The following ERAP1 variants were observed in gnomAD, a reference collection of about 807,000 sequenced individuals.
ERAP1 encodes adipocyte-derived leucine aminopeptidase.
In ERAP1, 86 loss-of-function variants were observed where a neutral mutation model predicts 103.7. That is an observed-to-expected ratio of 0.83 (90% confidence interval 0.70 to 0.99). ERAP1 has a LOEUF of 0.99. ERAP1 is among the 50% of genes least tolerant of loss of function. ERAP1 has a pLI of 0.00. For synonymous variants in ERAP1, 398 were observed against 402.4 expected (o/e 0.99, Z 0.13); for missense variants, 1,009 against 1,128.4 (o/e 0.89, Z 1.52).
intron 1 of ERAP1, among the ~76,000 whole-genome samples, chr5:96,806,977 T>TC (rs1402803279): frequency 2.1e-5 from 2 of 94,954 alleles, no homozygotes; most frequent in Non-Finnish European, 5.4e-5. Context: ...TTTTGTTTTG[T>TC]TTTGTTTTGT....
chr5:96,837,565 G>A, the ERAP1 span, among the ~76,000 whole-genome samples: 3 of 152,204 alleles, frequency 2.0e-5, no homozygotes, highest in Non-Finnish European at 2.9e-5. Flanking sequence ...GCCTTTGGGC[G>A]CCACCAGGAG....
At chr5:96,804,451 G>A in intron 1 of ERAP1, 1 of 178,368 alleles carries the variant, frequency 5.6e-6, no homozygotes, top group Non-Finnish European at 1.2e-5. Flanking sequence ...CACAGTGGCA[G>A]CCACCACTAG....
chr5:96,904,834 A>G, the ERAP1 span, among the ~76,000 whole-genome samples: 1 of 152,214 alleles, frequency 6.6e-6, no homozygotes, highest in Admixed American at 6.5e-5. Context: ...ATTTGCAGTT[A>G]TTGATGCATT....
At chr5:96,921,753 C>T in the ERAP1 span, among the ~76,000 whole-genome samples, 1 of 152,206 alleles carries the variant, frequency 6.6e-6, no homozygotes, top group African/African-American at 2.4e-5. Context: ...ATTTCCCACA[C>T]TTCAAAATTC....
At chr5:96,915,247 G>A in the ERAP1 span, among the ~76,000 whole-genome samples, 2 of 152,130 alleles carry the variant, frequency 1.3e-5, no homozygotes, top group African/African-American at 4.8e-5. Context: ...GACCTCAGGT[G>A]ATCCACCCAC....
chr5:96,885,584 T>A, the ERAP1 span, among the ~76,000 whole-genome samples: 1 of 152,218 alleles, frequency 6.6e-6, no homozygotes, highest in Non-Finnish European at 1.5e-5. Context: ...TGGTAATGCT[T>A]CAAGCTATTT....
At chr5:96,913,518 C>T in the ERAP1 span, 6 of 1,552,680 alleles carry the variant, frequency 3.9e-6, no homozygotes, top group Admixed American at 3.4e-5. Context: ...TTGCCTCAAA[C>T]CAAGTGTAAT....
intron 16 of ERAP1, 31 bp from the exon 17 acceptor site, chr5:96,781,229 A>G: frequency 1.2e-6 from 2 of 1,605,102 alleles, no homozygotes; most frequent in South Asian, 1.1e-5. Flanking sequence ...AATGTTAGCA[A>G]TGAATAGGTG....
intron 19 of ERAP1, chr5:96,767,952 C>A (rs776467210): frequency 1.2e-6 from 2 of 1,613,658 alleles, no homozygotes; most frequent in Admixed American, 3.3e-5. Context: ...CTCAGGAGAT[C>A]TGGACAGCTG....
the ERAP1 span, among the ~76,000 whole-genome samples, chr5:96,845,230 G>T: frequency 1.4e-5 from 2 of 142,730 alleles, no homozygotes; most frequent in Admixed American, 1.4e-4. Context: ...GTTTAATTAT[G>T]TTGCAACTTT....
At chr5:96,912,616 T>C in the ERAP1 span, 9 of 1,572,990 alleles carry the variant, frequency 5.7e-6, no homozygotes, top group African/African-American at 7.0e-5. Flanking sequence ...TTTTTCTTCA[T>C]TTTTATGCTT....
At chr5:96,903,514 C>T in the ERAP1 span, 21 of 1,613,716 alleles carry the variant, frequency 1.3e-5, no homozygotes, top group Non-Finnish European at 1.8e-5. Flanking sequence ...ACTTCTCAGA[C>T]CTAAGGACAG....
At chr5:96,793,766 A>G (rs758092090) in intron 6 of ERAP1, 37 bp downstream of exon 6, 6 of 1,555,562 alleles carry the variant, frequency 3.9e-6, no homozygotes, top group Middle Eastern at 1.7e-4. Flanking sequence ...ATATAAATGT[A>G]GTTTATACTT....
the ERAP1 span, among the ~76,000 whole-genome samples, chr5:96,890,489 C>T: frequency 6.6e-6 from 1 of 152,226 alleles, no homozygotes; most frequent in East Asian, 1.9e-4. Flanking sequence ...GGTCCGCAGC[C>T]CTAGGGTTAG....
the ERAP1 span, among the ~76,000 whole-genome samples, chr5:96,845,083 T>A: frequency 6.6e-6 from 1 of 152,166 alleles, no homozygotes; most frequent in East Asian, 1.9e-4. Flanking sequence ...TGTATATTAC[T>A]GGGGGGAAAA....
the ERAP1 span, among the ~76,000 whole-genome samples, chr5:96,814,886 G>C: frequency 6.6e-6 from 1 of 152,174 alleles, no homozygotes; most frequent in Non-Finnish European, 1.5e-5. Flanking sequence ...CTAGGGGTCC[G>C]AGCAAGACCT....
chr5:96,781,674 G>A lies in ERAP1; in HGVS notation c.2447+19C>T, dbSNP rs1440376114. 1 of 1,613,888 alleles carries A rather than the reference G, an allele frequency of 6.2e-7. No individual in the cohort carries two copies. Among genetic ancestry groups the A allele is most frequent in the South Asian group, 1.1e-5 (1 of 91,054 alleles). On this transcript the variant is annotated intron_variant, in intron 16 of 18. Coordinates refer to ENST00000443439, the MANE Select transcript of ERAP1 (RefSeq NM_001040458.3). ...TAATTTCCCTTGGCCACATGAACAT[G>A]AATGAATGACGGACTCACCATTGAA... is the stretch of plus-strand genomic sequence containing the variant.
chr5:96,813,650 C>CAAAAAAAAA, the ERAP1 span, among the ~76,000 whole-genome samples: 74 of 55,158 alleles, frequency 1.3e-3, 22 homozygotes, highest in African/African-American at 4.6e-3. Flanking sequence ...AGACTCATCT[C>CAAAAAAAAA]AAAAAAAAAA....
chr5:96,909,788 C>A, the ERAP1 span: 1 of 1,604,786 alleles, frequency 6.2e-7, no homozygotes, highest in Non-Finnish European at 8.5e-7. Flanking sequence ...TCTGTCCTAC[C>A]CTTTGTTCTT....
Sources: allele counts gnomAD v4.1 joint callset (sites outside exome capture counted in the v4.1 genomes callset), GRCh38; gene constraint gnomAD v4.1.1; transcripts MANE v1.5; gene names NCBI Gene and HGNC (gene_info 2026-07-23, HGNC 2026-07-21).